ANK3: variants seen among roughly 807,000 people sequenced by gnomAD.
The protein encoded by ANK3 is ankyrin-3.
ANK3 carries 57 observed loss-of-function variants against 370.9 expected under a neutral mutation model. The observed-to-expected ratio is 0.15, with a 90% CI of 0.12 to 0.19. The LOEUF (loss-of-function observed/expected upper bound fraction) is 0.19. ANK3 is among the 10% of genes least tolerant of loss of function. ANK3 has a pLI of 1.00. For synonymous variants in ANK3, 1,929 were observed against 1,946.3 expected (o/e 0.99, Z 0.23); for missense variants, 4,439 against 5,302.1 (o/e 0.84, Z 5.06).
rs1362845813 is a variant in ANK3, at chr10:60,075,903, A to C, written c.4978T>G (p.Phe1660Val). 3 of 1,614,140 alleles carry C rather than the reference A, an allele frequency of 1.9e-6. No individual in the cohort carries two copies. Among genetic ancestry groups the C allele is most frequent in the Non-Finnish European group, 2.5e-6 (3 of 1,179,998 alleles). The change falls in exon 37 of 44, where the codon TTT becomes GTT. Residue 1660 changes from phenylalanine to valine, a missense_variant. Around this residue, in one of 13 missense-constraint regions of ANK3, gnomAD observed 679 missense variants for 791.0 expected, o/e 0.86. Coordinates refer to ENST00000280772, the MANE Select transcript of ANK3 (RefSeq NM_020987.5). ...NINMYSSSLP[F>V]KSIITSAAPL... The stretch of plus-strand genomic sequence containing the variant: ...GCTGCTGATGTAATAATTGACTTAA[A>C]TGGCAAACTTGAGGAATACATATTA...
At chr10:60,651,714 G>T (rs2078791304) in intron 1 of ANK3, among the ~76,000 whole-genome samples, 1 of 152,104 alleles carries the variant, frequency 6.6e-6, no homozygotes, top group Non-Finnish European at 1.5e-5. Flanking sequence ...GTAAAATAGA[G>T]ATAATGAGAG....
intron 2 of ANK3, among the ~76,000 whole-genome samples, chr10:60,605,184 A>G (rs538642621): frequency 3.3e-5 from 5 of 152,300 alleles, no homozygotes; most frequent in African/African-American, 9.6e-5. Context: ...GCATCAGCAC[A>G]ACTGATAGCC....
chr10:60,581,362 A>T (rs1203017466), intron 2 of ANK3, among the ~76,000 whole-genome samples: 1 of 151,340 alleles, frequency 6.6e-6, no homozygotes, highest in Non-Finnish European at 1.5e-5. Context: ...CTTTACACAC[A>T]TCTGTTCAAC....
In ANK3 at chr10:60,069,324, T is replaced by C; in HGVS notation, c.11557A>G (p.Thr3853Ala). 1 of 1,614,106 alleles carries C rather than the reference T, an allele frequency of 6.2e-7. No individual in the cohort carries two copies. Among genetic ancestry groups the C allele is most frequent in the Non-Finnish European group, 8.5e-7 (1 of 1,180,002 alleles). ...TGCCTAATCCCTATCAATTCCTTTGTTTTTTGCTGTTCTCCAAGAACTTTC... is the reference window on the plus strand; with the variant it reads ...TGCCTAATCCCTATCAATTCCTTTGCTTTTTGCTGTTCTCCAAGAACTTTC... ...KQKVLGEQQK[T>A]KELIGIRQKS... Residue 3853 changes from threonine (T) to alanine (A), a missense_variant, in exon 37 of 44, where the codon ACA becomes GCA. Physicochemically the swap from Thr to Ala is moderately conservative, Grantham distance 58. Coordinates refer to ENST00000280772, the MANE Select transcript of ANK3 (RefSeq NM_020987.5).
intron 1 of ANK3, among the ~76,000 whole-genome samples, chr10:60,657,710 G>T (rs2078883322): frequency 6.6e-6 from 1 of 151,984 alleles, no homozygotes; most frequent in Admixed American, 6.6e-5. Flanking sequence ...GTGTCGTGTG[G>T]TGTAAATATC....
At chr10:60,700,011 G>T (rs1282446741) in intron 1 of ANK3, among the ~76,000 whole-genome samples, 2 of 152,068 alleles carry the variant, frequency 1.3e-5, no homozygotes, top group African/African-American at 4.8e-5. Flanking sequence ...TATAAATGTT[G>T]TTATCAACTG....
Position 60,140,815 on chromosome 10 carries a change from C to A in ANK3, c.2615-1728G>T, listed in dbSNP as rs925704510. On this transcript the variant is annotated intron_variant, in intron 23 of 43. Coordinates refer to ENST00000280772, the MANE Select transcript of ANK3 (RefSeq NM_020987.5). ...CTTTCGGTAATTTGATACCAATGCGCGTTGCCTAGTCGGGTAACCAAGACA... is the reference window on the plus strand; with the variant it reads ...CTTTCGGTAATTTGATACCAATGCGAGTTGCCTAGTCGGGTAACCAAGACA... 4.0e-6 allele frequency: 4 copies of A among 999,538 alleles called. No individual in the cohort carries two copies. The South Asian group carries it at 1.4e-4, about 35-fold the overall frequency. 61.9% of individuals were successfully genotyped at this position (999,538 alleles called of 1,614,324 possible).
intron 23 of ANK3, among the ~76,000 whole-genome samples, chr10:60,157,582 G>T (rs56201499): frequency 6.6e-6 from 1 of 151,842 alleles, no homozygotes; most frequent in Non-Finnish European, 1.5e-5. Context: ...ACAAAGAGCA[G>T]AATTTTATCA....
intron 1 of ANK3, among the ~76,000 whole-genome samples, chr10:60,333,894 CAT>C (rs1216388242): frequency 1.3e-5 from 2 of 152,096 alleles, no homozygotes; most frequent in African/African-American, 4.8e-5. Context: ...AATGAAAACA[CAT>C]ATTATCCTGT....
chr10:60,326,744 G>C (rs751977721), intron 1 of ANK3, among the ~76,000 whole-genome samples: 3 of 152,076 alleles, frequency 2.0e-5, no homozygotes, highest in Non-Finnish European at 4.4e-5. Flanking sequence ...GCTCCCGACC[G>C]GGCGCGTTGA....
At chr10:60,131,972 C>T (rs1028374274) in intron 25 of ANK3, among the ~76,000 whole-genome samples, 10 of 152,196 alleles carry the variant, frequency 6.6e-5, no homozygotes, top group African/African-American at 1.4e-4. Flanking sequence ...AGTCTCCTTT[C>T]ACCTGTGATT....
At chr10:60,534,671 G>A (rs1222640886) in intron 2 of ANK3, among the ~76,000 whole-genome samples, 2 of 152,116 alleles carry the variant, frequency 1.3e-5, no homozygotes, top group African/African-American at 4.8e-5. Flanking sequence ...CTACCTGAGA[G>A]TGTGATTATT....
rs770539076 is a variant in ANK3 at position 60,562,462 on chromosome 10, G to A, written c.96+52724C>T. On this transcript the variant is annotated intron_variant, in intron 2 of 43. Coordinates refer to the ANK3 transcript ENST00000373827. ...GGAGTCTCGCTCTGCCTCCCAGGCT[G>A]GAGTGCAGTGGCGTGATCTTGGCTC... Among the ~76,000 whole-genome samples, 14 of 152,234 alleles carry A rather than the reference G, an allele frequency of 9.2e-5. No homozygotes were observed. The South Asian group carries it at 2.3e-3, about 25-fold the overall frequency.
intron 2 of ANK3, among the ~76,000 whole-genome samples, chr10:60,577,540 C>A (rs1242224259): frequency 6.6e-6 from 1 of 151,882 alleles, no homozygotes; most frequent in Non-Finnish European, 1.5e-5. Context: ...CGGGAGTTTC[C>A]CTGCACAAGT....
At chr10:60,553,325 T>C (rs765847864) in intron 2 of ANK3, among the ~76,000 whole-genome samples, 6 of 152,156 alleles carry the variant, frequency 3.9e-5, no homozygotes, top group Non-Finnish European at 8.8e-5. Flanking sequence ...AAACACTTCA[T>C]TGGTTTGCTG....
intron 1 of ANK3, among the ~76,000 whole-genome samples, chr10:60,698,990 A>T (rs1347264294): frequency 6.6e-6 from 1 of 151,844 alleles, no homozygotes; most frequent in African/African-American, 2.4e-5. Context: ...GACCTGGATG[A>T]GATTGGAGAC....
In ANK3 at chr10:60,682,163, A is replaced by G. The variant is rs140762324; in HGVS notation, c.57+51100T>C. On this transcript the variant is annotated intron_variant, in intron 1 of 43. Coordinates refer to the ANK3 transcript ENST00000373827. Reference sequence around the variant, plus strand: ...CTCTGCCTTTAAAAAAAACAAAATAATTATTAGCACTCCCACGTTCTAAAT... The same window carrying G: ...CTCTGCCTTTAAAAAAAACAAAATAGTTATTAGCACTCCCACGTTCTAAAT... 4.3e-3 allele frequency among the ~76,000 whole-genome samples: 652 copies of G among 152,224 alleles called. 1 individual carries two copies. Among genetic ancestry groups the G allele is most frequent in the Non-Finnish European group, 7.0e-3 (478 of 68,008 alleles).
Position 60,071,950 on chromosome 10 carries a change from A to C in ANK3, c.8931T>G (p.Asp2977Glu), listed in dbSNP as rs1305123551. The change falls in exon 37 of 44, where the codon GAT becomes GAG. Residue 2977 changes from aspartate (D) to glutamate (E), a missense_variant. By Grantham distance (45) the Asp-to-Glu change is conservative (BLOSUM62 2). Transcript: ENST00000280772. ...ERRMLSSNIP[D>E]GFCEQSAFPK... is the part of the protein sequence containing the mutation. Reference sequence around the variant, plus strand: ...GAAATGCCGACTGTTCACAAAAACCATCGGGAATATTAGAAGACAGCATTC... The same window carrying C: ...GAAATGCCGACTGTTCACAAAAACCCTCGGGAATATTAGAAGACAGCATTC... 1 of 1,614,106 alleles carries C rather than the reference A, an allele frequency of 6.2e-7. No individual in the cohort carries two copies. Among genetic ancestry groups the C allele is most frequent in the South Asian group, 1.1e-5 (1 of 91,080 alleles).
rs374869667 is a variant in ANK3, at chr10:60,114,970, G to C, written c.2842-639C>G. Among the ~76,000 whole-genome samples, 6 of 152,304 alleles carry C rather than the reference G, an allele frequency of 3.9e-5. 1 individual carries two copies. The East Asian group carries it at 9.7e-4, about 25-fold the overall frequency. On this transcript the variant is annotated intron_variant, in intron 25 of 43. Transcript: ENST00000280772. The stretch of plus-strand genomic sequence containing the variant: ...GTACTTTTAACCTACAGGGGTCACT[G>C]TTGTTGAACAGAAAAGCCAGGAGAG...
Sources: allele counts gnomAD v4.1 joint callset (sites outside exome capture counted in the v4.1 genomes callset), GRCh38; gene constraint gnomAD v4.1.1; regional missense constraint gnomAD v4.1.1; transcripts MANE v1.5; gene names NCBI Gene and HGNC (gene_info 2026-07-23, HGNC 2026-07-21).